Variants in AGBL4 observed in about 807,000 individuals in gnomAD.
The protein encoded by AGBL4 is cytosolic carboxypeptidase 6.
A neutral mutation model predicts 66.4 loss-of-function variants in AGBL4; 58 were observed. That is an observed-to-expected ratio of 0.87 (90% CI 0.71 to 1.09). The LOEUF (loss-of-function observed/expected upper bound fraction) is 1.09. Among genes scored for constraint, AGBL4 ranks in the 50% least tolerant of loss-of-function variants. The pLI is 0.00. For missense variants in AGBL4, 579 were observed against 631.0 expected (o/e 0.92, Z 0.88); for synonymous variants, 234 against 222.9 (o/e 1.05, Z -0.44).
chr1:49,434,674 AGTGGTGGTAGTG>A, intron 3 of AGBL4, among the ~76,000 whole-genome samples: 1 of 143,310 alleles, frequency 7.0e-6, no homozygotes, highest in East Asian at 2.1e-4. Flanking sequence ...TGGTGGTGGT[AGTGGTGGTAGTG>A]GTGGTGGTGG....
At position 49,853,755 on chromosome 1, in the gene AGBL4, G is replaced by T. The variant is rs546980009; in HGVS notation, c.35-2237C>A. 1.6e-3 allele frequency among the ~76,000 whole-genome samples: 248 copies of T among 152,108 alleles called. 2 individuals carry two copies. In the South Asian group the frequency reaches 0.021, roughly 13 times the overall value. ...TATTTCTCTTTGAAATATATAAACT[G>T]TGCAAACCAAAAGTCAAGGTAATGA... On this transcript the variant is annotated intron_variant, in intron 1 of 13. Coordinates refer to ENST00000371839, the MANE Select transcript of AGBL4 (RefSeq NM_032785.4).
At chr1:49,299,867 A>G (rs1398758868) in intron 3 of AGBL4, among the ~76,000 whole-genome samples, 1 of 151,786 alleles carries the variant, frequency 6.6e-6, no homozygotes, top group Non-Finnish European at 1.5e-5. Context: ...ATGGGTGTTG[A>G]ATTCTGTCAA....
intron 1 of AGBL4, among the ~76,000 whole-genome samples, chr1:49,992,215 C>G (rs1476241802): frequency 1.3e-5 from 2 of 151,810 alleles, no homozygotes; most frequent in African/African-American, 4.8e-5. Context: ...ACTAAAAACA[C>G]AAAAAAATTA....
chr1:48,993,927 T>C (rs1660805714), intron 5 of AGBL4, among the ~76,000 whole-genome samples: 2 of 152,164 alleles, frequency 1.3e-5, no homozygotes, highest in South Asian at 4.1e-4. Flanking sequence ...CCTCTATCAG[T>C]GATATGAAGT....
intron 9 of AGBL4, among the ~76,000 whole-genome samples, chr1:48,595,265 G>A (rs761619616): frequency 5.9e-5 from 9 of 152,180 alleles, no homozygotes; most frequent in Non-Finnish European, 1.0e-4. Context: ...TTGAGGGCAA[G>A]GATCTTATAT....
At chr1:48,895,671 C>G (rs1415857011) in intron 5 of AGBL4, among the ~76,000 whole-genome samples, 3 of 152,192 alleles carry the variant, frequency 2.0e-5, no homozygotes, top group East Asian at 3.8e-4. Flanking sequence ...CACTCCCTAC[C>G]TTGTTCCCTT....
At chr1:49,357,034 C>T (rs547123295) in intron 3 of AGBL4, among the ~76,000 whole-genome samples, 1 of 152,264 alleles carries the variant, frequency 6.6e-6, no homozygotes, top group South Asian at 2.1e-4. Flanking sequence ...ATGTCCTGAT[C>T]AGGATAACTG....
chr1:49,005,630 A>G (rs1042160944), intron 5 of AGBL4, among the ~76,000 whole-genome samples: 4 of 152,312 alleles, frequency 2.6e-5, no homozygotes, highest in Middle Eastern at 3.4e-3. Flanking sequence ...ACTATGCCCA[A>G]TTTATAAATC....
chr1:48,819,772 C>A (rs1033868224), intron 6 of AGBL4, among the ~76,000 whole-genome samples: 1 of 152,190 alleles, frequency 6.6e-6, no homozygotes, highest in Admixed American at 6.5e-5. Flanking sequence ...GCCCATCCAC[C>A]AATGTATGGT....
intron 1 of AGBL4, among the ~76,000 whole-genome samples, chr1:49,926,019 C>G (rs946587437): frequency 3.3e-5 from 5 of 152,152 alleles, no homozygotes; most frequent in African/African-American, 9.7e-5. Context: ...AGCCCCCAGG[C>G]CTTGAGCAAA....
chr1:48,751,103 T>A (rs550871350), intron 6 of AGBL4, among the ~76,000 whole-genome samples: 3 of 152,200 alleles, frequency 2.0e-5, no homozygotes, highest in Non-Finnish European at 4.4e-5. Flanking sequence ...TGGGCCTCAG[T>A]TGTCCATCTA....
intron 2 of AGBL4, among the ~76,000 whole-genome samples, chr1:49,821,963 A>G (rs1478720940): frequency 6.6e-6 from 1 of 152,192 alleles, no homozygotes; most frequent in African/African-American, 2.4e-5. Context: ...TCTCACTTAC[A>G]TTAATTTTGA....
rs551542655 is a variant in AGBL4, at chr1:48,737,154, C to T, written c.635-73913G>A. On this transcript the variant is annotated intron_variant, in intron 6 of 13. Transcript: ENST00000371839. ...AAAAAATTAGCCAGGTGTGGTGGCA[C>T]GCACCTGTAGTCCCAGCTGCTTGGG... Among the ~76,000 whole-genome samples, 41 of 152,108 alleles carry T rather than the reference C, an allele frequency of 2.7e-4. 1 individual carries two copies. Among genetic ancestry groups the T allele is most frequent in the African/African-American group, 8.7e-4 (36 of 41,484 alleles).
At chr1:49,408,996 A>G (rs1412606147) in intron 3 of AGBL4, among the ~76,000 whole-genome samples, 2 of 152,298 alleles carry the variant, frequency 1.3e-5, no homozygotes, top group Non-Finnish European at 2.9e-5. Context: ...CTTATTGTCA[A>G]TGAAGGAATT....
At chr1:49,090,256 A>C (rs1361105527) in intron 4 of AGBL4, among the ~76,000 whole-genome samples, 1 of 152,120 alleles carries the variant, frequency 6.6e-6, no homozygotes, top group Non-Finnish European at 1.5e-5. Context: ...GCAAGAGAAC[A>C]AAATAAAAGG....
At chr1:48,816,892 T>C (rs1002961222) in intron 6 of AGBL4, among the ~76,000 whole-genome samples, 4 of 152,134 alleles carry the variant, frequency 2.6e-5, no homozygotes, top group African/African-American at 9.7e-5. Flanking sequence ...ACAGAAGATA[T>C]ACCTACATCT....
chr1:49,651,883 T>A (rs1241306656), intron 3 of AGBL4, among the ~76,000 whole-genome samples: 1 of 152,030 alleles, frequency 6.6e-6, no homozygotes, highest in Non-Finnish European at 1.5e-5. Context: ...TCTAAAATGA[T>A]GATTAAGAAT....
At chr1:49,513,227 C>A (rs865909991) in intron 3 of AGBL4, among the ~76,000 whole-genome samples, 1 of 152,000 alleles carries the variant, frequency 6.6e-6, no homozygotes, top group South Asian at 2.1e-4. Flanking sequence ...TCAGACTCCT[C>A]CGATATTAAT....
intron 3 of AGBL4, among the ~76,000 whole-genome samples, chr1:49,530,444 A>G (rs1213001099): frequency 6.6e-6 from 1 of 151,794 alleles, no homozygotes; most frequent in African/African-American, 2.4e-5. Context: ...CTCTTTTTAT[A>G]TGTGGAAATA....
Sources: gnomAD v4.1 joint callset for allele counts (sites outside exome capture counted in the v4.1 genomes callset) on GRCh38, gnomAD v4.1.1 for gene constraint, MANE v1.5 for transcripts, NCBI Gene and HGNC (gene_info 2026-07-23, HGNC 2026-07-21) for gene names.